ZNF831: variants seen among roughly 807,000 people sequenced by gnomAD.
ZNF831 encodes the protein zinc finger protein 831.
Under a neutral mutation model 95.8 loss-of-function variants are expected in ZNF831, and 59 were observed. The ratio of observed to expected loss-of-function variants is 0.62; its 90% CI spans 0.50 to 0.77. ZNF831 has a LOEUF of 0.77. Among genes scored for constraint, ZNF831 ranks in the 30% least tolerant of loss-of-function variants. ZNF831 has a pLI of 0.00. For synonymous variants in ZNF831, 961 were observed against 925.5 expected (o/e 1.04, Z -0.70); for missense variants, 2,205 against 2,164.0 (o/e 1.02, Z -0.38).
intron 4 of ZNF831, among the ~76,000 whole-genome samples, chr20:59,233,495 A>G (rs1332544355): frequency 6.6e-6 from 1 of 152,192 alleles, no homozygotes; most frequent in Non-Finnish European, 1.5e-5. Flanking sequence ...CAAATGACAG[A>G]CCAACAAACA....
chr20:59,157,004 G>C (rs1244580649), intron 2 of ZNF831, among the ~76,000 whole-genome samples: 2 of 152,174 alleles, frequency 1.3e-5, no homozygotes, highest in Non-Finnish European at 2.9e-5. Context: ...CAGGCATGCA[G>C]TGTTTAATAA....
At chr20:59,179,941 G>A (rs1044976860) in intron 1 of ZNF831, among the ~76,000 whole-genome samples, 2 of 152,120 alleles carry the variant, frequency 1.3e-5, no homozygotes, top group African/African-American at 4.8e-5. Flanking sequence ...TATCTTTGCT[G>A]TGCCACTGTT....
chr20:59,176,136 A>G (rs531800878), intron 1 of ZNF831, among the ~76,000 whole-genome samples: 1 of 152,336 alleles, frequency 6.6e-6, no homozygotes, highest in East Asian at 1.9e-4. Context: ...AGGACTTGGC[A>G]AGGAAAAGGA....
intron 1 of ZNF831, among the ~76,000 whole-genome samples, chr20:59,166,124 T>C (rs1245622932): frequency 6.6e-6 from 1 of 152,142 alleles, no homozygotes; most frequent in Non-Finnish European, 1.5e-5. Flanking sequence ...TAAATGGTAG[T>C]GATGTCAATT....
chr20:59,248,396 A>T (rs1987721847), intron 4 of ZNF831, among the ~76,000 whole-genome samples: 1 of 152,230 alleles, frequency 6.6e-6, no homozygotes, highest in South Asian at 2.1e-4. Flanking sequence ...AATCAGTTTA[A>T]CACACTTCAG....
chr20:59,245,162 G>A (rs1987528746), intron 4 of ZNF831, among the ~76,000 whole-genome samples: 1 of 152,188 alleles, frequency 6.6e-6, no homozygotes, highest in South Asian at 2.1e-4. Flanking sequence ...AATAACAAGA[G>A]GTCACCACCA....
intron 4 of ZNF831, among the ~76,000 whole-genome samples, chr20:59,240,979 A>C (rs1276865445): frequency 6.6e-6 from 1 of 152,084 alleles, no homozygotes; most frequent in Non-Finnish European, 1.5e-5. Context: ...AGACTGAAGA[A>C]ATTTACAGGA....
chr20:59,253,812 A>T, intron 5 of ZNF831, 86 bp from the exon 6 acceptor site: 1 of 1,445,396 alleles, frequency 6.9e-7, no homozygotes, highest in Non-Finnish European at 9.2e-7. Flanking sequence ...ACCTGTTTTC[A>T]TTGAGGACCA....
chr20:59,191,345 C>A lies in ZNF831; in HGVS notation c.326C>A (p.Ala109Glu), dbSNP rs911835114. ...GPGPTQVGKP[A>E]APTLTVNIVG... ...GGCCCCACCCAGGTGGGGAAGCCGG[C>A]GGCCCCTACGCTGACGGTGAACATC... The change falls in exon 2 of 6, where the codon GCG (alanine) becomes GAG (glutamate). Residue 109 changes from alanine (A) to glutamate (E), a missense_variant. Physicochemically the swap from Ala to Glu is moderately radical, Grantham distance 107. Transcript: ENST00000371030. 2 of 1,605,808 alleles carry A rather than the reference C, an allele frequency of 1.2e-6. No homozygotes were observed. Among genetic ancestry groups the A allele is most frequent in the Admixed American group, 1.7e-5 (1 of 59,336 alleles).
intron 1 of ZNF831, among the ~76,000 whole-genome samples, chr20:59,177,669 C>T (rs1295684912): frequency 6.6e-6 from 1 of 152,210 alleles, no homozygotes; most frequent in Non-Finnish European, 1.5e-5. Flanking sequence ...GCACTCTTCC[C>T]TCACTGGCTG....
At chr20:59,187,060 C>G (rs1983105669) in intron 1 of ZNF831, among the ~76,000 whole-genome samples, 1 of 152,064 alleles carries the variant, frequency 6.6e-6, no homozygotes. Flanking sequence ...TGGGAAGAGC[C>G]AGAGGTGTGA....
chr20:59,199,596 C>T lies in ZNF831; in HGVS notation c.3875+3591C>T, dbSNP rs755162533. Among the ~76,000 whole-genome samples the T allele has an allele frequency of 1.1e-3, 164 of 152,236 alleles. 3 individuals are homozygous for T. The highest frequency in any genetic ancestry group is 3.1e-4 in the Non-Finnish European group (21 of 67,998). On this transcript the variant is annotated intron_variant, in intron 3 of 5. Coordinates refer to ENST00000371030, the MANE Select transcript of ZNF831 (RefSeq NM_178457.3). ...TTCTGATTGCTGTAGAGTGTCTCAT[C>T]CATGAGTAAGAGTTTGCCCTTCATT...
chr20:59,154,439 C>A (rs534577314), intron 2 of ZNF831, among the ~76,000 whole-genome samples: 1 of 152,196 alleles, frequency 6.6e-6, no homozygotes, highest in Non-Finnish European at 1.5e-5. Context: ...CCGAAGCGGT[C>A]TCTACCCCAA....
intron 4 of ZNF831, among the ~76,000 whole-genome samples, chr20:59,236,436 T>G (rs1157522030): frequency 6.6e-6 from 1 of 152,180 alleles, no homozygotes; most frequent in Non-Finnish European, 1.5e-5. Context: ...AGGGGCCATT[T>G]TCTTTTATCC....
At chr20:59,178,941 C>G (rs11905512) in intron 1 of ZNF831, among the ~76,000 whole-genome samples, 21,458 of 152,132 alleles carry the variant, frequency 0.14, 1,728 homozygotes, top group African/African-American at 0.21. Context: ...AACACTCTAT[C>G]AAATAAACAC....
chr20:59,130,607 T>G (rs151077604), intron 1 of ZNF831, among the ~76,000 whole-genome samples: 157 of 152,254 alleles, frequency 1.0e-3, no homozygotes, highest in South Asian at 6.4e-3. Context: ...CAAAGGCACT[T>G]TGGAAAGGCA....
chr20:59,131,906 C>A (rs1458160885), intron 1 of ZNF831, among the ~76,000 whole-genome samples: 2 of 152,214 alleles, frequency 1.3e-5, no homozygotes, highest in African/African-American at 4.8e-5. Context: ...AAACTGTTTT[C>A]ATTGTACTTT....
intron 1 of ZNF831, among the ~76,000 whole-genome samples, chr20:59,176,039 T>G: frequency 6.6e-6 from 1 of 152,192 alleles, no homozygotes; most frequent in Non-Finnish European, 1.5e-5. Context: ...CATTTCCCTG[T>G]CTGGAAGAGC....
Position 59,191,095 on chromosome 20 carries a change from GC to G in ZNF831, c.80del (p.Pro27GlnfsTer9). 1.9e-6 allele frequency: 3 copies of G among 1,554,936 alleles called. No homozygotes were observed. The highest frequency in any genetic ancestry group is 1.2e-5 in the South Asian group (1 of 84,636). On this transcript the variant is annotated frameshift_variant, in exon 2 of 6. Transcript: ENST00000371030. LOFTEE classifies it high-confidence loss of function. ...QPAPTPGPPGAPGGQASPHLT... is the reference protein window; with the variant it reads ...QPAPTPGPPGXPGGQASPHLT... ...AGCTCCCACTCCTGGCCCTCCAGGGGCCCCAGGTGGCCAGGCCTCACCTCAC... is the reference window on the plus strand; with the variant it reads ...AGCTCCCACTCCTGGCCCTCCAGGGGCCCAGGTGGCCAGGCCTCACCTCAC...
Sources: gnomAD v4.1 joint callset for allele counts (sites outside exome capture counted in the v4.1 genomes callset) on GRCh38, gnomAD v4.1.1 for gene constraint, MANE v1.5 for transcripts, NCBI Gene and HGNC (gene_info 2026-07-23, HGNC 2026-07-21) for gene names.